Variants in NELL2 observed in about 807,000 individuals in gnomAD.
NELL2 encodes the protein neural EGFL like 2.
NELL2 carries 41 observed loss-of-function variants against 109.6 expected under a neutral mutation model. The observed-to-expected ratio is 0.37, with a 90% CI of 0.29 to 0.49. The LOEUF is 0.49. NELL2 is among the 20% of genes least tolerant of loss of function. The pLI, the probability that NELL2 is intolerant of heterozygous loss-of-function variation, is 0.98. For missense variants in NELL2, 900 were observed against 1,008.3 expected, an observed-to-expected ratio of 0.89 and a Z score of 1.45; for synonymous variants, 355 against 344.7, an observed-to-expected ratio of 1.03 and a Z score of -0.33.
At chr12:44,731,428 G>A (rs1939364551) in intron 9 of NELL2, among the ~76,000 whole-genome samples, 1 of 151,984 alleles carries the variant, frequency 6.6e-6, no homozygotes, top group Admixed American at 6.6e-5. Flanking sequence ...TGGGGTGTGA[G>A]GATAGCTCAG....
chr12:44,740,805 C>T (rs1477781053), intron 9 of NELL2, among the ~76,000 whole-genome samples: 1 of 152,034 alleles, frequency 6.6e-6, no homozygotes, highest in African/African-American at 2.4e-5. Flanking sequence ...TAGAAAGAGG[C>T]AGGGTAGGCT....
intron 13 of NELL2, among the ~76,000 whole-genome samples, chr12:44,641,592 T>C (rs1946857230): frequency 6.6e-6 from 1 of 151,764 alleles, no homozygotes; most frequent in South Asian, 2.1e-4. Context: ...TAAGGCTATA[T>C]GGGAGAAAGA....
chr12:44,742,454 C>A (rs372414940), intron 9 of NELL2, among the ~76,000 whole-genome samples: 1 of 152,194 alleles, frequency 6.6e-6, no homozygotes, highest in Non-Finnish European at 1.5e-5. Flanking sequence ...CAAAGCTGGA[C>A]GGAGAATGAC....
intron 3 of NELL2, among the ~76,000 whole-genome samples, chr12:44,800,689 T>C (rs1442703136): frequency 1.3e-5 from 2 of 152,134 alleles, no homozygotes; most frequent in African/African-American, 4.8e-5. Flanking sequence ...CAATTTGCTG[T>C]CCTAAGATGC....
chr12:44,832,524 A>G (rs1226745812), intron 2 of NELL2, among the ~76,000 whole-genome samples: 2 of 152,222 alleles, frequency 1.3e-5, no homozygotes, highest in Admixed American at 6.5e-5. Flanking sequence ...AAAACAATCA[A>G]TAAGTATAGC....
intron 13 of NELL2, among the ~76,000 whole-genome samples, chr12:44,660,660 A>C (rs1947710181): frequency 6.6e-6 from 1 of 152,144 alleles, no homozygotes; most frequent in Admixed American, 6.5e-5. Context: ...CATCCCTTCT[A>C]CCCATCCATT....
chr12:44,918,432 C>T (rs1439146037), upstream of NELL2, among the ~76,000 whole-genome samples: 1 of 151,578 alleles, frequency 6.6e-6, no homozygotes, highest in Non-Finnish European at 1.5e-5. Flanking sequence ...TGTCATTTAT[C>T]TTAATCTATT....
intron 10 of NELL2, among the ~76,000 whole-genome samples, chr12:44,714,193 A>G (rs1286694109): frequency 6.6e-6 from 1 of 151,004 alleles, no homozygotes; most frequent in Non-Finnish European, 1.5e-5. Context: ...CTAATTTAAA[A>G]CACTCCTTCC....
chr12:44,913,724 C>A (rs571105692), intron 1 of NELL2: 144 of 576,392 alleles, frequency 2.5e-4, no homozygotes, highest in Middle Eastern at 9.3e-4. Context: ...ATTCAGGTCA[C>A]TATACCCTCC....
chr12:44,678,489 A>C (rs1181219606), intron 12 of NELL2, among the ~76,000 whole-genome samples: 1 of 152,006 alleles, frequency 6.6e-6, no homozygotes, highest in East Asian at 1.9e-4. Context: ...CACAACATTT[A>C]TGTGAGTTGT....
At chr12:44,780,236 G>T (rs1430677659) in intron 3 of NELL2, among the ~76,000 whole-genome samples, 2 of 152,052 alleles carry the variant, frequency 1.3e-5, no homozygotes, top group Admixed American at 1.3e-4. Context: ...GAGTTCAATG[G>T]GTTTCCATTT....
At chr12:44,664,884 T>C (rs1403429518) in intron 13 of NELL2, among the ~76,000 whole-genome samples, 1 of 152,074 alleles carries the variant, frequency 6.6e-6, no homozygotes, top group Non-Finnish European at 1.5e-5. Flanking sequence ...TAGAAAGCTA[T>C]AGAATAAAAG....
At chr12:44,580,082 A>C (rs1028199438) in intron 15 of NELL2, among the ~76,000 whole-genome samples, 27 of 152,260 alleles carry the variant, frequency 1.8e-4, no homozygotes, top group Non-Finnish European at 1.8e-4. Flanking sequence ...TGTTTTTTAA[A>C]ATGTGCTGCA....
At chr12:44,690,197 T>C (rs925656159) in intron 12 of NELL2, among the ~76,000 whole-genome samples, 5 of 152,186 alleles carry the variant, frequency 3.3e-5, no homozygotes, top group African/African-American at 1.2e-4. Context: ...TGATGCAGCC[T>C]GAAACACATT....
chr12:44,585,397 T>C (rs1944455944), intron 15 of NELL2, among the ~76,000 whole-genome samples: 1 of 152,046 alleles, frequency 6.6e-6, no homozygotes, highest in South Asian at 2.1e-4. Flanking sequence ...AGGTCAGGAG[T>C]TCGAGACCAC....
intron 15 of NELL2, among the ~76,000 whole-genome samples, chr12:44,538,216 G>A (rs1260013835): frequency 6.6e-6 from 1 of 152,144 alleles, no homozygotes; most frequent in Non-Finnish European, 1.5e-5. Context: ...TCAACACTTG[G>A]CCAAACAGAA....
chr12:44,717,539 C>T lies in NELL2; in HGVS notation c.995-2798G>A, dbSNP rs147900376. Among the ~76,000 whole-genome samples, 82 of 152,100 alleles carry T rather than the reference C, an allele frequency of 5.4e-4. 1 individual carries two copies. Among genetic ancestry groups the T allele is most frequent in the African/African-American group, 1.9e-3 (77 of 41,508 alleles). On this transcript the variant is annotated intron_variant, in intron 9 of 19. Coordinates refer to ENST00000429094, the MANE Select transcript of NELL2 (RefSeq NM_001145108.2). ...TTATATGGAAACTCAGGAGACCGAA[C>T]GAACTTCTAAGAAGGGACAGCTGGA...
chr12:44,868,868 T>A (rs1945085057), intron 2 of NELL2, among the ~76,000 whole-genome samples: 1 of 152,120 alleles, frequency 6.6e-6, no homozygotes, highest in African/African-American at 2.4e-5. Flanking sequence ...AAATTTCAAA[T>A]AGATTTTAAG....
At chr12:44,651,616 T>C (rs1947301264) in intron 13 of NELL2, among the ~76,000 whole-genome samples, 1 of 152,184 alleles carries the variant, frequency 6.6e-6, no homozygotes, top group South Asian at 2.1e-4. Context: ...TCAGTGTGAC[T>C]TGTGAATCTA....
Sources: gnomAD v4.1 joint callset for allele counts (sites outside exome capture counted in the v4.1 genomes callset) on GRCh38, gnomAD v4.1.1 for gene constraint, MANE v1.5 for transcripts, NCBI Gene and HGNC (gene_info 2026-07-23, HGNC 2026-07-21) for gene names.